SLC7A13: variants seen among roughly 807,000 people sequenced by gnomAD.
SLC7A13 encodes X-amino acid transporter 2.
In SLC7A13, 31 loss-of-function variants were observed where a neutral mutation model predicts 32.0. That is an observed-to-expected ratio of 0.97 (90% CI 0.73 to 1.31). The LOEUF (loss-of-function observed/expected upper bound fraction) is 1.31. Among genes scored for constraint, SLC7A13 ranks in the 50% most tolerant of loss-of-function variants. SLC7A13 has a pLI of 0.00. For missense variants in SLC7A13, 633 were observed against 546.9 expected, an observed-to-expected ratio of 1.16 and a Z score of -1.57; for synonymous variants, 232 against 206.9, an observed-to-expected ratio of 1.12 and a Z score of -1.04.
Position 86,229,844 on chromosome 8 carries a change from A to G in SLC7A13, c.434T>C (p.Val145Ala), listed in dbSNP as rs181461170. The G allele has an allele frequency of 5.4e-5, 87 of 1,614,194 alleles. No homozygotes were observed. The East Asian group carries it at 6.2e-4, about 12-fold the overall frequency. ...KCLALAMLWI[V>A]GILTSRGVKE... ...CACACCACGAGAAGTCAGAATTCCT[A>G]CAATCCACAACATGGCCAATGCCAG... The change falls in exon 1 of 4, where the codon GTA (valine) becomes GCA (alanine). Residue 145 changes from valine to alanine, a missense_variant. Transcript: ENST00000297524.
chr8:86,225,034 C>A (rs1275124486), intron 1 of SLC7A13, among the ~76,000 whole-genome samples: 16 of 152,052 alleles, frequency 1.1e-4, no homozygotes, highest in Non-Finnish European at 2.1e-4. Flanking sequence ...GTCTGCTTCC[C>A]TATTTTTTGT....
intron 1 of SLC7A13, among the ~76,000 whole-genome samples, chr8:86,223,438 GT>G (rs1406520037): frequency 1.3e-5 from 2 of 151,916 alleles, no homozygotes; most frequent in African/African-American, 4.8e-5. Context: ...CTATTTTTGA[GT>G]TATTTCACTT....
chr8:86,227,797 G>A (rs1174370891), intron 1 of SLC7A13, among the ~76,000 whole-genome samples: 4 of 152,140 alleles, frequency 2.6e-5, no homozygotes, highest in African/African-American at 4.8e-5. Context: ...CAATGTGGAT[G>A]CAACTAGAGA....
In SLC7A13 at chr8:86,217,477, G is replaced by A. The variant is rs145100097; in HGVS notation, c.1172C>T (p.Pro391Leu). The change falls in exon 3 of 4, where the codon CCT becomes CTT. Residue 391 changes from proline to leucine, a missense_variant. Transcript: ENST00000297524. ...RRYQEPNLSI[P>L]YKVFLSFPLA... is the part of the protein sequence containing the mutation. ...TTAGAAATCCAATTTTACCTTATAA[G>A]GTATAGATAGATTGGGTTCCTGGTA... is the stretch of plus-strand genomic sequence containing the variant. 1 of 1,572,178 alleles carries A rather than the reference G, an allele frequency of 6.4e-7. No individual in the cohort carries two copies. The highest frequency in any genetic ancestry group is 1.2e-5 in the South Asian group (1 of 82,458).
At position 86,214,172 on chromosome 8, in the gene SLC7A13, C is replaced by G. The variant is rs1433586991; in HGVS notation, c.*241G>C. 8 of 331,588 alleles carry G rather than the reference C, an allele frequency of 2.4e-5. No homozygotes were observed. The highest frequency in any genetic ancestry group is 8.6e-4 in the Middle Eastern group (1 of 1,164). 20.5% of individuals were successfully genotyped at this position (331,588 alleles called of 1,614,324 possible). A position where few individuals can be genotyped will look rare whatever the true frequency, so the allele number is the denominator to read the frequency against. ...GAAGTTGTATAATCACTCTATCAAGCTACGCAAACCAGGACTTAAGTTTTT... is the reference window on the plus strand; with the variant it reads ...GAAGTTGTATAATCACTCTATCAAGGTACGCAAACCAGGACTTAAGTTTTT... On this transcript the variant is annotated 3_prime_UTR_variant, in exon 4 of 4. Transcript: ENST00000297524.
rs527690784 is a variant in SLC7A13, at chr8:86,218,181, A to C, written c.818-350T>G. Among the ~76,000 whole-genome samples the C allele has an allele frequency of 5.3e-5, 8 of 152,288 alleles. No homozygotes were observed. In the South Asian group the frequency reaches 1.5e-3, roughly 28 times the overall value. On this transcript the variant is annotated intron_variant, in intron 2 of 3. Coordinates refer to ENST00000297524, the MANE Select transcript of SLC7A13 (RefSeq NM_138817.3). ...CAATAAACACTTGTGAAATAAATTG[A>C]TTTTGTTGAATGGATGATTGAATCC...
chr8:86,219,537 C>T (rs1214261495), intron 2 of SLC7A13, among the ~76,000 whole-genome samples: 1 of 152,278 alleles, frequency 6.6e-6, no homozygotes, highest in Non-Finnish European at 1.5e-5. Context: ...ACCAGCCTCC[C>T]ATTCATGCGG....
chr8:86,214,434 G>T lies in SLC7A13; in HGVS notation c.1392C>A (p.Leu464=). The change falls in exon 4 of 4, where the codon CTC becomes CTA. Residue 464 remains leucine (L), a synonymous_variant. Coordinates refer to ENST00000297524, the MANE Select transcript of SLC7A13 (RefSeq NM_138817.3). ...ACATCTATTCCTCAGACACATCAGG[G>T]AGGCAAATATTAAATAGTAATTGTA... ...CYLQLLFNIC[L]PDVSEE is the part of the protein sequence containing the mutation. The T allele has an allele frequency of 6.2e-7, 1 of 1,608,028 alleles. No homozygotes were observed.
chr8:86,229,872 A>G lies in SLC7A13; in HGVS notation c.406T>C (p.Cys136Arg). 5 of 1,614,170 alleles carry G rather than the reference A, an allele frequency of 3.1e-6. No homozygotes were observed. Among genetic ancestry groups the G allele is most frequent in the Non-Finnish European group, 4.2e-6 (5 of 1,180,042 alleles). ...ATCCACAACATGGCCAATGCCAGAC[A>G]TTTCTTAGGCAGCTTTGGGACAGAG... is the stretch of plus-strand genomic sequence containing the variant. ...SCSVPKLPKKCLALAMLWIVG... is the reference protein window; with the variant it reads ...SCSVPKLPKKRLALAMLWIVG... Residue 136 changes from cysteine (C) to arginine (R), a missense_variant, in exon 1 of 4, where the codon TGT becomes CGT. Coordinates refer to ENST00000297524, the MANE Select transcript of SLC7A13 (RefSeq NM_138817.3).
At chr8:86,224,319 T>C (rs1310410467) in intron 1 of SLC7A13, among the ~76,000 whole-genome samples, 1 of 152,142 alleles carries the variant, frequency 6.6e-6, no homozygotes, top group Non-Finnish European at 1.5e-5. Context: ...CCTAGTTGCC[T>C]AGTTGACCCT....
rs1254895583 is a variant in SLC7A13 at position 86,214,472 on chromosome 8, T to G, written c.1354A>C (p.Met452Leu). 4 of 1,612,054 alleles carry G rather than the reference T, an allele frequency of 2.5e-6. No homozygotes were observed. Among genetic ancestry groups the G allele is most frequent in the Non-Finnish European group, 3.4e-6 (4 of 1,179,004 alleles). ...AATAGTAATTGTAAATAGCAAGTCA[T>G]CTTCTCAAACCAAGCCAATCTTATT... ...FKIRLAWFEKMTCYLQLLFNI... is the reference protein window; with the variant it reads ...FKIRLAWFEKLTCYLQLLFNI... Residue 452 changes from methionine (M) to leucine (L), a missense_variant, in exon 4 of 4, where the codon ATG becomes CTG. Coordinates refer to ENST00000297524, the MANE Select transcript of SLC7A13 (RefSeq NM_138817.3).
rs749407522 is a variant in SLC7A13 at position 86,214,427 on chromosome 8, C to A, written c.1399G>T (p.Val467Leu). The change falls in exon 4 of 4, where the codon GTG becomes TTG. Residue 467 changes from valine (V) to leucine (L), a missense_variant. Coordinates refer to ENST00000297524, the MANE Select transcript of SLC7A13 (RefSeq NM_138817.3). ...ACTTCCGACATCTATTCCTCAGACA[C>A]ATCAGGGAGGCAAATATTAAATAGT... ...QLLFNICLPD[V>L]SEE 18 of 1,605,418 alleles carry A rather than the reference C, an allele frequency of 1.1e-5. No individual in the cohort carries two copies. Among genetic ancestry groups the A allele is most frequent in the Non-Finnish European group, 1.5e-5 (18 of 1,175,502 alleles).
At chr8:86,219,412 C>T (rs1177121160) in intron 2 of SLC7A13, among the ~76,000 whole-genome samples, 1 of 152,128 alleles carries the variant, frequency 6.6e-6, no homozygotes, top group Non-Finnish European at 1.5e-5. Context: ...TTCTTTGTGA[C>T]TCTGTCCACA....
chr8:86,229,530 A>T (rs1820445176), intron 1 of SLC7A13, 63 bp downstream of exon 1: 3 of 1,304,812 alleles, frequency 2.3e-6, no homozygotes, highest in Non-Finnish European at 3.2e-6. Context: ...AACAAATGAT[A>T]TGCATTTCAT....
At chr8:86,229,532 G>T in intron 1 of SLC7A13, 61 bp downstream of exon 1, 1 of 1,310,850 alleles carries the variant, frequency 7.6e-7, no homozygotes, top group Non-Finnish European at 1.1e-6. Context: ...CAAATGATAT[G>T]CATTTCATAT....
At position 86,229,817 on chromosome 8, in the gene SLC7A13, T is replaced by G. The variant is rs766574140; in HGVS notation, c.461A>C (p.Lys154Thr). 4.7e-5 allele frequency: 76 copies of G among 1,614,188 alleles called. 1 individual carries two copies. The East Asian group carries it at 1.7e-3, about 36-fold the overall frequency. ...IVGILTSRGV[K>T]EVTWLQIASS... ...AGCTATCTGAAGCCAAGTCACTTCT[T>G]TCACACCACGAGAAGTCAGAATTCC... Residue 154 changes from lysine (K) to threonine (T), a missense_variant, in exon 1 of 4, where the codon AAA becomes ACA. Transcript: ENST00000297524.
At chr8:86,217,875 G>A in intron 2 of SLC7A13, 44 bp from the exon 3 acceptor site, 4 of 1,472,850 alleles carry the variant, frequency 2.7e-6, no homozygotes, top group Non-Finnish European at 3.6e-6. Context: ...TGTTAAAAGA[G>A]AAATACTAAT....
chr8:86,220,065 AT>A (rs1285994157), intron 2 of SLC7A13, among the ~76,000 whole-genome samples: 1 of 152,000 alleles, frequency 6.6e-6, no homozygotes, highest in Non-Finnish European at 1.5e-5. Flanking sequence ...ATTGTCTATC[AT>A]TGGCTATCTT....
chr8:86,218,417 A>G (rs1339334634), intron 2 of SLC7A13, among the ~76,000 whole-genome samples: 1 of 152,168 alleles, frequency 6.6e-6, no homozygotes, highest in Non-Finnish European at 1.5e-5. Context: ...TCTATAGACC[A>G]GTAATTCTCA....
Sources: allele counts gnomAD v4.1 joint callset (sites outside exome capture counted in the v4.1 genomes callset), GRCh38; gene constraint gnomAD v4.1.1; transcripts MANE v1.5; gene names NCBI Gene and HGNC (gene_info 2026-07-23, HGNC 2026-07-21).